PLCB2: variants seen among roughly 807,000 people sequenced by gnomAD.
The protein encoded by PLCB2 is phospholipase C beta 2.
Under a neutral mutation model 141.7 loss-of-function variants are expected in PLCB2, and 115 were observed. That is an observed-to-expected ratio of 0.81 (90% CI 0.70 to 0.95). PLCB2 has a LOEUF of 0.95. Among genes scored for constraint, PLCB2 ranks in the 40% least tolerant of loss-of-function variants. The pLI is 0.00. For missense variants in PLCB2, 1,403 were observed against 1,541.1 expected, an observed-to-expected ratio of 0.91 and a Z score of 1.50; for synonymous variants, 603 against 595.6, an observed-to-expected ratio of 1.01 and a Z score of -0.18.
chr15:40,284,374 C>A (rs766182105), downstream of PLCB2: 105 of 373,960 alleles, frequency 2.8e-4, no homozygotes, highest in Admixed American at 1.3e-4. Context: ...CTTAAGAAGA[C>A]AACACTGGGA....
At chr15:40,306,335 G>A (rs2040793975) in intron 1 of PLCB2, among the ~76,000 whole-genome samples, 1 of 152,162 alleles carries the variant, frequency 6.6e-6, no homozygotes, top group Admixed American at 6.5e-5. Flanking sequence ...CTACCTTGGA[G>A]AGGGGAAGGG....
chr15:40,293,436 CCAGGGTGAGGGA>C, intron 20 of PLCB2, 112 bp downstream of exon 20: 1 of 954,858 alleles, frequency 1.0e-6, no homozygotes, highest in Non-Finnish European at 1.6e-6. Context: ...ACAGGAGGGC[CCAGGGTGAGGGA>C]TGGGAAGAGG....
chr15:40,292,145 G>A lies in PLCB2; in HGVS notation c.2445C>T (p.Ala815=), dbSNP rs1333683583. The change falls in exon 23 of 32, where the codon GCC becomes GCT. Residue 815 remains alanine, a synonymous_variant. Coordinates refer to ENST00000260402, the MANE Select transcript of PLCB2 (RefSeq NM_004573.3). ...IPGAWADLTV[A]LANPIKFFSA... ...TGAAGAACTTAATGGGGTTGGCGAGGGCCACAGTGAGATCTGGGTGGGTGC... is the reference window on the plus strand; with the variant it reads ...TGAAGAACTTAATGGGGTTGGCGAGAGCCACAGTGAGATCTGGGTGGGTGC... The A allele has an allele frequency of 5.6e-6, 9 of 1,614,098 alleles. No homozygotes were observed. Among genetic ancestry groups the A allele is most frequent in the Non-Finnish European group, 6.8e-6 (8 of 1,179,974 alleles).
At position 40,295,195 on chromosome 15, in the gene PLCB2, G is replaced by T. The variant is rs780962355; in HGVS notation, c.1781+6C>A. 6.2e-7 allele frequency: 1 copy of T among 1,613,168 alleles called. No individual in the cohort carries two copies. Among genetic ancestry groups the T allele is most frequent in the Non-Finnish European group, 8.5e-7 (1 of 1,179,142 alleles). On this transcript the variant is annotated splice_donor_region_variant and intron_variant, in intron 17 of 31. Coordinates refer to ENST00000260402, the MANE Select transcript of PLCB2 (RefSeq NM_004573.3). ...AGGACCCTGGCCACTGAAACCTCAA[G>T]GATACTCCACAAACTGCACCGAGGC...
chr15:40,302,573 GA>G lies in PLCB2; in HGVS notation c.267del (p.Pro90LeufsTer7). 2 of 1,614,222 alleles carry G rather than the reference GA, an allele frequency of 1.2e-6. No individual in the cohort carries two copies. Among genetic ancestry groups the G allele is most frequent in the Non-Finnish European group, 1.7e-6 (2 of 1,180,036 alleles). Reference sequence around the variant, plus strand: ...GTCTTCAGCAGGAAACTGTTATCAGGAAAGTCCATGTTGAAGACGTCCCGGA... The same window carrying G: ...GTCTTCAGCAGGAAACTGTTATCAGGAAGTCCATGTTGAAGACGTCCCGGA... ...QKLRDVFNMD[F>X]PDNSFLLKTL... On this transcript the variant is annotated frameshift_variant, in exon 4 of 32. Coordinates refer to ENST00000260402, the MANE Select transcript of PLCB2 (RefSeq NM_004573.3). LOFTEE classifies it high-confidence loss of function.
chr15:40,302,482 T>A lies in PLCB2; in HGVS notation c.359A>T (p.Glu120Val), dbSNP rs1297420923. ...LTFHNFVSYKENVGKAWAEDV... is the reference protein window; with the variant it reads ...LTFHNFVSYKVNVGKAWAEDV... ...TCCCTGGCACACCTTGCCCACGTTCTCCTTGTAGGAGACGAAGTTGTGGAA... is the reference window on the plus strand; with the variant it reads ...TCCCTGGCACACCTTGCCCACGTTCACCTTGTAGGAGACGAAGTTGTGGAA... The change falls in exon 4 of 32, where the codon GAG (glutamate) becomes GTG (valine). Residue 120 changes from glutamate (E) to valine (V), a missense_variant. Coordinates refer to ENST00000260402, the MANE Select transcript of PLCB2 (RefSeq NM_004573.3). 13 of 1,614,078 alleles carry A rather than the reference T, an allele frequency of 8.1e-6. No individual in the cohort carries two copies. In the East Asian group the frequency reaches 2.9e-4, roughly 36 times the overall value.
chr15:40,296,823 G>A lies in PLCB2; in HGVS notation c.1409C>T (p.Pro470Leu). 16 of 1,614,116 alleles carry A rather than the reference G, an allele frequency of 9.9e-6. No individual in the cohort carries two copies. The highest frequency in any genetic ancestry group is 1.4e-5 in the Non-Finnish European group (16 of 1,179,988). ...ACCAGTATCCTTACTGGAGGAGGTGGGGCCAGAAAACTGGTTCTTCTTGTT... is the reference window on the plus strand; with the variant it reads ...ACCAGTATCCTTACTGGAGGAGGTGAGGCCAGAAAACTGGTTCTTCTTGTT... The part of the protein sequence containing the change: ...IKNKKNQFSG[P>L]TSSSKDTGGE... The change falls in exon 14 of 32, where the codon CCC (proline) becomes CTC (leucine). Residue 470 changes from proline to leucine, a missense_variant. Physicochemically the swap from Pro to Leu is moderately conservative, Grantham distance 98. This residue lies in a region of PLCB2 where 975 missense variants were observed against 1,141.1 expected (regional missense o/e 0.85). Coordinates refer to ENST00000260402, the MANE Select transcript of PLCB2 (RefSeq NM_004573.3).
chr15:40,291,934 G>A lies in PLCB2; in HGVS notation c.2527-10C>T, dbSNP rs1355589596. ...CCAGTGGGAAGGGCTTCTGTGTAGG[G>A]AGAGCAGGTCAGGAAGGTGGCTTGA... is the stretch of plus-strand genomic sequence containing the variant. On this transcript the variant is annotated splice_polypyrimidine_tract_variant and intron_variant, in intron 23 of 31. Transcript: ENST00000260402. 1 of 1,614,050 alleles carries A rather than the reference G, an allele frequency of 6.2e-7. No homozygotes were observed. The highest frequency in any genetic ancestry group is 8.5e-7 in the Non-Finnish European group (1 of 1,179,954).
At chr15:40,303,240 G>A in intron 3 of PLCB2, 48 bp downstream of exon 3, 2 of 1,371,442 alleles carry the variant, frequency 1.5e-6, no homozygotes, top group South Asian at 1.2e-5. Flanking sequence ...CTTGCCCCAT[G>A]GAGCTAGTAG....
rs376385760 is a variant in PLCB2 at position 40,302,165 on chromosome 15, G to T, written c.477C>A (p.Leu159=). The change falls in exon 6 of 32, where the codon CTC becomes CTA. Residue 159 remains leucine, a synonymous_variant. Transcript: ENST00000260402. The part of the protein sequence containing the change: ...DKILVKLKMQ[L]NSEGKIPVKN... ...TCACCGGAATCTTCCCTTCAGAGTT[G>T]AGCTGCATCTTGAGCTTCACAAGGC... is the stretch of plus-strand genomic sequence containing the variant. 1 of 1,611,776 alleles carries T rather than the reference G, an allele frequency of 6.2e-7. No individual in the cohort carries two copies. The highest frequency in any genetic ancestry group is 1.3e-5 in the African/African-American group (1 of 74,986).
chr15:40,301,574 C>T (rs989245261), intron 7 of PLCB2: 10 of 703,000 alleles, frequency 1.4e-5, no homozygotes, highest in Admixed American at 6.0e-5. Flanking sequence ...TGCAGACTGC[C>T]GCCTGCCACT....
At position 40,293,595 on chromosome 15, in the gene PLCB2, G is replaced by C. The variant is rs936290085; in HGVS notation, c.2191C>G (p.Pro731Ala). 5.0e-6 allele frequency: 8 copies of C among 1,614,084 alleles called. No individual in the cohort carries two copies. The East Asian group carries it at 1.8e-4, about 36-fold the overall frequency. ...ACAAAGGGCTCCTCCTTCCAGACAG[G>C]ATTGATGGAGTTAGTACTGGGTGAC... ...KLSPSTNSIN[P>A]VWKEEPFVFE... Residue 731 changes from proline to alanine, a missense_variant, in exon 20 of 32, where the codon CCT becomes GCT. Physicochemically the swap from Pro to Ala is conservative, Grantham distance 27 (BLOSUM62 -1). Coordinates refer to ENST00000260402, the MANE Select transcript of PLCB2 (RefSeq NM_004573.3).
In PLCB2 at chr15:40,301,705, C is replaced by G. The variant is rs539432231; in HGVS notation, c.582+252G>C. The G allele has an allele frequency of 4.3e-5, 30 of 703,892 alleles. 1 individual carries two copies. The South Asian group carries it at 4.4e-4, about 10-fold the overall frequency. 43.6% of individuals were successfully genotyped at this position (703,892 alleles called of 1,614,324 possible). A position where few individuals can be genotyped will look rare whatever the true frequency, so the allele number is the denominator to read the frequency against. ...CCTGAACACAGTCCATCAACCACAG[C>G]CCCAGCGCCCCCACCACCCAGGGTA... On this transcript the variant is annotated intron_variant, in intron 7 of 31. Coordinates refer to ENST00000260402, the MANE Select transcript of PLCB2 (RefSeq NM_004573.3).
In PLCB2 at chr15:40,297,401, C is replaced by G. The variant is rs1047047987; in HGVS notation, c.1323+120G>C. 3.9e-6 allele frequency: 3 copies of G among 775,020 alleles called. No homozygotes were observed. The highest frequency in any genetic ancestry group is 6.8e-6 in the Non-Finnish European group (3 of 438,460). The allele number at this position is 775,020 out of a possible 1,614,324, so 48.0% of individuals were successfully genotyped here. A position where few individuals can be genotyped will look rare whatever the true frequency, so the allele number is the denominator to read the frequency against. On this transcript the variant is annotated intron_variant, in intron 13 of 31. Transcript: ENST00000260402. This position sits in a 1 kb window ranked among gnomAD's most constrained non-coding sequence, Gnocchi z 4.2. ...ACGGAAGGTGACAGGATCCCAGACC[C>G]GCATCTAACCAAGTGAACCCTAGCA...
chr15:40,291,215 A>T (rs1433616394), intron 26 of PLCB2, 32 bp from the exon 27 acceptor site: 2 of 1,571,682 alleles, frequency 1.3e-6, no homozygotes, highest in South Asian at 1.2e-5. Flanking sequence ...AGGCCCTGAG[A>T]TCCTGCGCCA....
chr15:40,296,191 T>G, intron 16 of PLCB2, 105 bp downstream of exon 16: 1 of 846,782 alleles, frequency 1.2e-6, no homozygotes, highest in South Asian at 1.6e-5. Flanking sequence ...AGCAAGCCCT[T>G]TGCCTGACTC....
In PLCB2 at chr15:40,293,614, G is replaced by GTTCGATAGCTTA; in HGVS notation, c.2171_2172insTAAGCTATCGAA (p.Pro724_Ser725insLysLeuSerAsn). ...AGACAGGATTGATGGAGTTAGTACT[G>GTTCGATAGCTTA]GGTGACAGCTTAGTTCGATAGCGCC... On this transcript the variant is annotated inframe_insertion, in exon 20 of 32. Coordinates refer to ENST00000260402, the MANE Select transcript of PLCB2 (RefSeq NM_004573.3). 1 of 1,614,094 alleles carries GTTCGATAGCTTA rather than the reference G, an allele frequency of 6.2e-7. No individual in the cohort carries two copies. Among genetic ancestry groups the GTTCGATAGCTTA allele is most frequent in the Non-Finnish European group, 8.5e-7 (1 of 1,179,984 alleles).
At position 40,298,918 on chromosome 15, in the gene PLCB2, A is replaced by G. The variant is rs148241546; in HGVS notation, c.730T>C (p.Phe244Leu). 1.8e-5 allele frequency: 29 copies of G among 1,609,530 alleles called. No homozygotes were observed. The highest frequency in any genetic ancestry group is 2.3e-5 in the Non-Finnish European group (27 of 1,179,976). Reference sequence around the variant, plus strand: ...GAGTCCCGCTGTTTCTGGTTGATGAATTTGGTCAGGTGCTCCTTCGTCATG... The same window carrying G: ...GAGTCCCGCTGTTTCTGGTTGATGAGTTTGGTCAGGTGCTCCTTCGTCATG... ...PYMTKEHLTK[F>L]INQKQRDSRL... The change falls in exon 9 of 32, where the codon TTC becomes CTC. Residue 244 changes from phenylalanine to leucine, a missense_variant. Transcript: ENST00000260402.
At chr15:40,293,486 T>C (rs2040039364) in intron 20 of PLCB2, 74 bp downstream of exon 20, 3 of 1,453,752 alleles carry the variant, frequency 2.1e-6, no homozygotes, top group Non-Finnish European at 2.9e-6. Context: ...GGAGCTGCCT[T>C]GTTTACTTCC....
Sources: gnomAD v4.1 joint callset for allele counts (sites outside exome capture counted in the v4.1 genomes callset) on GRCh38, gnomAD v4.1.1 for gene constraint, gnomAD v4.1.1 regional missense constraint, Gnocchi (gnomAD v3.1) non-coding constraint, MANE v1.5 for transcripts, NCBI Gene and HGNC (gene_info 2026-07-23, HGNC 2026-07-21) for gene names.